AHRR: variants seen among roughly 807,000 people sequenced by gnomAD.
The protein encoded by AHRR is ahR repressor.
AHRR carries 28 observed loss-of-function variants against 44.0 expected under a neutral mutation model. The observed-to-expected ratio is 0.64, with a 90% CI of 0.47 to 0.87. AHRR has a LOEUF of 0.87. AHRR is among the 40% of genes least tolerant of loss of function. The pLI is 0.00. For missense variants in AHRR, 990 were observed against 953.9 expected (o/e 1.04, Z -0.50); for synonymous variants, 434 against 407.0 (o/e 1.07, Z -0.80).
Position 383,521 on chromosome 5 carries a change from T to C in AHRR, c.351+6805T>C, listed in dbSNP as rs1328257621. Reference sequence around the variant, plus strand: ...CCTGGTAGTTTCTCTTGTTCTGAAATCCACTTTGTCTGGTACTAATATAGC... The same window carrying C: ...CCTGGTAGTTTCTCTTGTTCTGAAACCCACTTTGTCTGGTACTAATATAGC... On this transcript the variant is annotated intron_variant, in intron 4 of 10. Transcript: ENST00000684583. The surrounding 1 kb of genome is among the most constrained non-coding windows in gnomAD (Gnocchi z 4.0). 6.6e-6 allele frequency among the ~76,000 whole-genome samples: 1 copy of C among 152,086 alleles called. No individual in the cohort carries two copies. The highest frequency in any genetic ancestry group is 1.5e-5 in the Non-Finnish European group (1 of 68,008).
chr5:395,982 G>A lies in AHRR; in HGVS notation c.352-17362G>A, dbSNP rs555821368. Among the ~76,000 whole-genome samples, 9 of 152,324 alleles carry A rather than the reference G, an allele frequency of 5.9e-5. No individual in the cohort carries two copies. Among genetic ancestry groups the A allele is most frequent in the South Asian group, 2.1e-4 (1 of 4,820 alleles). On this transcript the variant is annotated intron_variant, in intron 4 of 10. Transcript: ENST00000684583. This position sits in a 1 kb window ranked among gnomAD's most constrained non-coding sequence, Gnocchi z 5.3. ...TCGTCCAGAAACTCAGGCCAGAAGC[G>A]AAGGTATAAAACACCAGATGGTAAC...
chr5:379,193 C>T (rs369228396), intron 4 of AHRR, among the ~76,000 whole-genome samples: 4 of 152,292 alleles, frequency 2.6e-5, no homozygotes, highest in African/African-American at 7.2e-5. Context: ...GATTTGCTCA[C>T]GGTGCTGCGG....
intron 1 of AHRR, among the ~76,000 whole-genome samples, chr5:328,019 G>A (rs1346205554): frequency 6.6e-6 from 1 of 152,024 alleles, no homozygotes; most frequent in East Asian, 1.9e-4. Context: ...CCACCTATGA[G>A]TGAGAACATG....
At chr5:377,278 T>C (rs1045114575) in intron 4 of AHRR, among the ~76,000 whole-genome samples, 7 of 152,174 alleles carry the variant, frequency 4.6e-5, no homozygotes, top group African/African-American at 1.7e-4. Context: ...GAGGAGACTG[T>C]GGACCATTTT....
chr5:413,530 T>C, intron 5 of AHRR, 97 bp downstream of exon 5: 1 of 932,012 alleles, frequency 1.1e-6, no homozygotes, highest in Non-Finnish European at 1.7e-6. Context: ...ATGTGTAAAA[T>C]CAGGCTTTTC....
Position 383,058 on chromosome 5 carries a change from A to T in AHRR, c.351+6342A>T, listed in dbSNP as rs1734047023. Among the ~76,000 whole-genome samples the T allele has an allele frequency of 6.6e-6, 1 of 152,230 alleles. No individual in the cohort carries two copies. On this transcript the variant is annotated intron_variant, in intron 4 of 10. Transcript: ENST00000684583. The surrounding 1 kb of genome is among the most constrained non-coding windows in gnomAD (Gnocchi z 4.0). ...TAGAAGTATGTTGTTTAACTTACAAATATTTGGACATTTTCCAGGTATCCT... is the reference window on the plus strand; with the variant it reads ...TAGAAGTATGTTGTTTAACTTACAATTATTTGGACATTTTCCAGGTATCCT...
chr5:429,427 G>A (rs1007457746), intron 8 of AHRR, among the ~76,000 whole-genome samples: 1 of 152,216 alleles, frequency 6.6e-6, no homozygotes, highest in Non-Finnish European at 1.5e-5. Context: ...ACTTCCTCCT[G>A]GGACAGCCTG....
At position 370,901 on chromosome 5, in the gene AHRR, G is replaced by A. The variant is rs994245205; in HGVS notation, c.245-5709G>A. ...TGGGCCTGGTGTGGAGCTCTCGGCC[G>A]ACCTCGGGCCGGGCTTTACAGGGCA... On this transcript the variant is annotated intron_variant, in intron 3 of 10. Coordinates refer to ENST00000684583, the MANE Select transcript of AHRR (RefSeq NM_001377236.1). The surrounding 1 kb of genome is among the most constrained non-coding windows in gnomAD (Gnocchi z 4.5). Among the ~76,000 whole-genome samples the A allele has an allele frequency of 5.3e-5, 8 of 152,128 alleles. No individual in the cohort carries two copies. Among genetic ancestry groups the A allele is most frequent in the Non-Finnish European group, 7.4e-5 (5 of 68,024 alleles).
At chr5:399,295 G>A (rs889906474) in intron 4 of AHRR, among the ~76,000 whole-genome samples, 5 of 152,250 alleles carry the variant, frequency 3.3e-5, no homozygotes, top group Admixed American at 6.5e-5. Flanking sequence ...TGGGCCTGGC[G>A]CTTCTGGAGG....
intron 4 of AHRR, among the ~76,000 whole-genome samples, chr5:412,162 TTAA>T (rs1374130160): frequency 6.6e-6 from 1 of 152,184 alleles, no homozygotes; most frequent in East Asian, 1.9e-4. Flanking sequence ...TGACTAGGAT[TTAA>T]TAATCATGCA....
chr5:326,526 C>T lies in AHRR; in HGVS notation c.-11+4707C>T, dbSNP rs1169603217. 6.6e-6 allele frequency among the ~76,000 whole-genome samples: 1 copy of T among 152,180 alleles called. No homozygotes were observed. The highest frequency in any genetic ancestry group is 1.5e-5 in the Non-Finnish European group (1 of 68,034). Reference sequence around the variant, plus strand: ...TTAGGTTGTTTACATTTTTTGGCTACTGTGAATTATGATGGGCATTTGTAT... The same window carrying T: ...TTAGGTTGTTTACATTTTTTGGCTATTGTGAATTATGATGGGCATTTGTAT... On this transcript the variant is annotated intron_variant, in intron 1 of 10. Transcript: ENST00000684583. This position sits in a 1 kb window ranked among gnomAD's most constrained non-coding sequence, Gnocchi z 4.1.
chr5:360,159 A>G (rs556793477), intron 3 of AHRR, among the ~76,000 whole-genome samples: 2 of 152,274 alleles, frequency 1.3e-5, no homozygotes, highest in Admixed American at 1.3e-4. Context: ...TGATAGGACC[A>G]GTGTCCTTAA....
rs1358558620 is a variant in AHRR, at chr5:370,419, C to T, written c.245-6191C>T. On this transcript the variant is annotated intron_variant, in intron 3 of 10. Coordinates refer to ENST00000684583, the MANE Select transcript of AHRR (RefSeq NM_001377236.1). The surrounding 1 kb of genome is among the most constrained non-coding windows in gnomAD (Gnocchi z 4.5). ...GCTTCTCAGAGCATCCCATCCAACT[C>T]CTGGACGGGAGAGGTGTCGTAAGGG... Among the ~76,000 whole-genome samples, 1 of 152,186 alleles carries T rather than the reference C, an allele frequency of 6.6e-6. No homozygotes were observed. Among genetic ancestry groups the T allele is most frequent in the Non-Finnish European group, 1.5e-5 (1 of 68,032 alleles).
chr5:389,688 G>A (rs1362131359), intron 4 of AHRR, among the ~76,000 whole-genome samples: 1 of 151,922 alleles, frequency 6.6e-6, no homozygotes, highest in Non-Finnish European at 1.5e-5. Context: ...GCCTCTGGGG[G>A]GTCTGACGGC....
chr5:385,033 A>G (rs912234783), intron 4 of AHRR, among the ~76,000 whole-genome samples: 4 of 152,066 alleles, frequency 2.6e-5, no homozygotes, highest in African/African-American at 9.7e-5. Context: ...AATCCCAGCT[A>G]CTCAGGAGGC....
At chr5:429,585 G>A (rs552129825) in intron 8 of AHRR, among the ~76,000 whole-genome samples, 4 of 152,186 alleles carry the variant, frequency 2.6e-5, no homozygotes, top group Admixed American at 6.5e-5. Flanking sequence ...TCGGCCCCTC[G>A]GCGCTGCAGG....
Position 379,857 on chromosome 5 carries a change from C to A in AHRR, c.351+3141C>A, listed in dbSNP as rs1733911855. On this transcript the variant is annotated intron_variant, in intron 4 of 10. Transcript: ENST00000684583. ...TCCATTTTGATTAAGTTTAATTTAT[C>A]AATTTCTCTTTTTGTAGATTGATTT... is the stretch of plus-strand genomic sequence containing the variant. 1.3e-5 allele frequency among the ~76,000 whole-genome samples: 2 copies of A among 152,126 alleles called. 1 individual carries two copies. The highest frequency in any genetic ancestry group is 4.1e-4 in the South Asian group (2 of 4,830).
At chr5:341,385 G>A (rs1742342651) in intron 1 of AHRR, among the ~76,000 whole-genome samples, 1 of 151,908 alleles carries the variant, frequency 6.6e-6, no homozygotes, top group Non-Finnish European at 1.5e-5. Flanking sequence ...TCCTGATATT[G>A]GCAATTTGTG....
chr5:392,430 TGCAGGGCGAGGCAGGC>T (rs1289035940), intron 4 of AHRR, among the ~76,000 whole-genome samples: 82 of 89,158 alleles, frequency 9.2e-4, no homozygotes, highest in Non-Finnish European at 1.4e-3. Context: ...AACACACGGG[TGCAGGGCGAGGCAGGC>T]GCAGGGCGAG....
Sources: gnomAD v4.1 joint callset for allele counts (sites outside exome capture counted in the v4.1 genomes callset) on GRCh38, gnomAD v4.1.1 for gene constraint, Gnocchi (gnomAD v3.1) non-coding constraint, MANE v1.5 for transcripts, NCBI Gene and HGNC (gene_info 2026-07-23, HGNC 2026-07-21) for gene names.